ANO1: variants seen among roughly 807,000 people sequenced by gnomAD.
ANO1 encodes anoctamin 1.
In ANO1, 59 loss-of-function variants were observed where a neutral mutation model predicts 124.0. That is an observed-to-expected ratio of 0.48 (90% CI 0.39 to 0.59). ANO1 has a LOEUF of 0.59. Ranked by LOEUF, ANO1 falls within the 20% of genes least tolerant of loss-of-function variation. The probability of loss-of-function intolerance (pLI) is 0.00; values close to 1 mark genes in which losing one functional copy is unlikely to be tolerated. For synonymous variants in ANO1, 529 were observed against 532.0 expected (o/e 0.99, Z 0.08); for missense variants, 1,059 against 1,328.0 (o/e 0.80, Z 3.15).
At chr11:69,980,699 G>A in the ANO1 span, among the ~76,000 whole-genome samples, 4 of 151,860 alleles carry the variant, frequency 2.6e-5, no homozygotes, top group African/African-American at 4.8e-5. Flanking sequence ...CCACTGAGCC[G>A]CACACTTAAA....
In ANO1 at chr11:70,171,360, G is replaced by A. The variant is rs75577304; in HGVS notation, c.2350+321G>A. 2.5e-3 allele frequency among the ~76,000 whole-genome samples: 376 copies of A among 148,290 alleles called. 3 individuals are homozygous for A. In the East Asian group the frequency reaches 0.029, roughly 11 times the overall value. ...CTACATTTCCTCTCTGATGGCTGGCGACACCCACCTGTAGCAATTGTGTGA... is the reference window on the plus strand; with the variant it reads ...CTACATTTCCTCTCTGATGGCTGGCAACACCCACCTGTAGCAATTGTGTGA... On this transcript the variant is annotated intron_variant, in intron 22 of 25. Transcript: ENST00000355303.
rs1242697591 is a variant in ANO1 at position 70,016,226 on chromosome 11, C to G, written c.58+30060C>G. On this transcript the variant is annotated intron_variant, in intron 1 of 27. Transcript: ENST00000531349. ...TATTTTTAGTAGAGACAGGGTTTCA[C>G]TATGTTGGCCAGGCTGGTCTCAAAC... Among the ~76,000 whole-genome samples the G allele has an allele frequency of 4.6e-5, 7 of 152,190 alleles. No individual in the cohort carries two copies. The East Asian group carries it at 1.2e-3, about 25-fold the overall frequency.
chr11:69,991,309 C>T (rs1397197165), intron 1 of ANO1, among the ~76,000 whole-genome samples: 1 of 152,214 alleles, frequency 6.6e-6, no homozygotes, highest in Non-Finnish European at 1.5e-5. Flanking sequence ...AGCTGTCATT[C>T]AGAGCACTTG....
chr11:70,065,962 C>A (rs1857706972), intron 1 of ANO1, among the ~76,000 whole-genome samples: 1 of 152,250 alleles, frequency 6.6e-6, no homozygotes. Context: ...TCCTCCACAG[C>A]AGTCATCACC....
chr11:69,967,196 ACG>A, the ANO1 span, among the ~76,000 whole-genome samples: 1 of 147,956 alleles, frequency 6.8e-6, no homozygotes, highest in Non-Finnish European at 1.5e-5. Context: ...CCCGTATCGC[ACG>A]TTAGCTAGCA....
intron 1 of ANO1, among the ~76,000 whole-genome samples, chr11:70,012,610 C>G (rs782497410): frequency 6.7e-5 from 10 of 149,776 alleles, no homozygotes; most frequent in Non-Finnish European, 1.3e-4. Context: ...ACACATTCAT[C>G]CATCCCCTTT....
intron 7 of ANO1, 125 bp from the exon 8 acceptor site, chr11:70,116,333 C>T: frequency 9.8e-7 from 1 of 1,017,878 alleles, no homozygotes; most frequent in Non-Finnish European, 1.5e-6. Flanking sequence ...GAAATGTTGC[C>T]CCAGGATGAT....
intron 2 of ANO1, among the ~76,000 whole-genome samples, chr11:70,089,037 C>T (rs2044514149): frequency 6.6e-6 from 1 of 152,226 alleles, no homozygotes. Context: ...AGCCCTAGCA[C>T]AGCGGTGCTT....
Position 70,187,734 on chromosome 11 carries a change from C to G in ANO1, c.2695-4C>G, listed in dbSNP as rs2049190009. 4 of 1,605,398 alleles carry G rather than the reference C, an allele frequency of 2.5e-6. No individual in the cohort carries two copies. The African/African-American group carries it at 5.3e-5, about 21-fold the overall frequency. On this transcript the variant is annotated splice_polypyrimidine_tract_variant and splice_region_variant and intron_variant, in intron 25 of 25. Transcript: ENST00000355303. ...CTTCTGCCACGCGTTGCCTCTCCTT[C>G]CAGAACCTGGTCATGTTCATGAGCG...
chr11:70,138,689 C>T (rs566332787), intron 11 of ANO1, among the ~76,000 whole-genome samples: 6 of 152,262 alleles, frequency 3.9e-5, no homozygotes, highest in South Asian at 2.1e-4. Flanking sequence ...AACTTACACC[C>T]GCTCGTAAGC....
At chr11:70,034,409 A>C (rs1319683840) in intron 1 of ANO1, among the ~76,000 whole-genome samples, 1 of 152,134 alleles carries the variant, frequency 6.6e-6, no homozygotes, top group African/African-American at 2.4e-5. Flanking sequence ...GGTTGGGTGG[A>C]AGACACAAAT....
rs1856367893 is a variant in ANO1 at position 70,000,731 on chromosome 11, C to T, written c.58+14565C>T. ...TCCCCAGTAGCATTGTTCATGATAGCCCGCAACTGGAAGCTCCTGCAGAGA... is the reference window on the plus strand; with the variant it reads ...TCCCCAGTAGCATTGTTCATGATAGTCCGCAACTGGAAGCTCCTGCAGAGA... On this transcript the variant is annotated intron_variant, in intron 1 of 27. Transcript: ENST00000531349. Among the ~76,000 whole-genome samples the T allele has an allele frequency of 2.0e-5, 3 of 151,852 alleles. No individual in the cohort carries two copies. In the South Asian group the frequency reaches 6.2e-4, roughly 31 times the overall value.
chr11:70,040,275 T>C (rs189539891), intron 1 of ANO1, among the ~76,000 whole-genome samples: 43 of 152,164 alleles, frequency 2.8e-4, no homozygotes, highest in East Asian at 3.9e-4. Context: ...TACTAAGGTT[T>C]TGTGTCTTAC....
intron 21 of ANO1, among the ~76,000 whole-genome samples, chr11:70,169,621 C>T (rs1022373416): frequency 2.0e-5 from 3 of 152,128 alleles, no homozygotes; most frequent in Non-Finnish European, 2.9e-5. Flanking sequence ...CAGCACACAC[C>T]GCCCCACATA....
At chr11:70,109,331 G>A (rs2045679830) in intron 6 of ANO1, among the ~76,000 whole-genome samples, 1 of 152,212 alleles carries the variant, frequency 6.6e-6, no homozygotes, top group African/African-American at 2.4e-5. Flanking sequence ...CCTGAGGTCA[G>A]GCCCGGGAGA....
At position 70,099,611 on chromosome 11, in the gene ANO1, G is replaced by A. The variant is rs190912137; in HGVS notation, c.442-3455G>A. Among the ~76,000 whole-genome samples the A allele has an allele frequency of 3.6e-4, 55 of 152,268 alleles. No homozygotes were observed. The East Asian group carries it at 5.6e-3, about 16-fold the overall frequency. On this transcript the variant is annotated intron_variant, in intron 2 of 25. Coordinates refer to ENST00000355303, the MANE Select transcript of ANO1 (RefSeq NM_018043.7). ...TGCTGTTCCTGTGGGTCACCAGGAT[G>A]GAAGACCTCCACCTCTCCAGCCTCA... is the stretch of plus-strand genomic sequence containing the variant.
Position 70,187,901 on chromosome 11 carries a change from G to T in ANO1, c.2858G>T (p.Arg953Leu), listed in dbSNP as rs746634159. ...QLLETWMEKE[R>L]QKDEPPCNHH... The stretch of plus-strand genomic sequence containing the variant: ...CTGGAAACCTGGATGGAGAAGGAGC[G>T]GCAGAAGGACGAGCCGCCGTGCAAC... Residue 953 changes from arginine to leucine, a missense_variant, in exon 26 of 26, where the codon CGG (arginine) becomes CTG (leucine). Arg to Leu is a moderately radical substitution (Grantham distance 102, BLOSUM62 -2). This residue lies in a region of ANO1 where 809 missense variants were observed against 1,094.9 expected (regional missense o/e 0.74). Transcript: ENST00000355303. 1 of 1,597,860 alleles carries T rather than the reference G, an allele frequency of 6.3e-7. No homozygotes were observed. The highest frequency in any genetic ancestry group is 1.8e-5 in the Admixed American group (1 of 56,956).
At chr11:70,027,456 G>A (rs903862336) in intron 1 of ANO1, among the ~76,000 whole-genome samples, 6 of 152,172 alleles carry the variant, frequency 3.9e-5, no homozygotes, top group Admixed American at 6.5e-5. Context: ...TCTCGCTTTC[G>A]TGCTTTGACA....
intron 1 of ANO1, among the ~76,000 whole-genome samples, chr11:70,019,249 A>C (rs116243839): frequency 0.44 from 53,171 of 120,592 alleles, 12,212 homozygotes; most frequent in South Asian, 0.56. Flanking sequence ...CCCCCCACAC[A>C]CACACACACA....
Sources: gnomAD v4.1 joint callset for allele counts (sites outside exome capture counted in the v4.1 genomes callset) on GRCh38, gnomAD v4.1.1 for gene constraint, gnomAD v4.1.1 regional missense constraint, MANE v1.5 for transcripts, NCBI Gene and HGNC (gene_info 2026-07-23, HGNC 2026-07-21) for gene names.